Variants in BAIAP2 observed in about 807,000 individuals in gnomAD.
BAIAP2 encodes the protein BAR/IMD domain-containing adapter protein 2.
A neutral mutation model predicts 63.0 loss-of-function variants in BAIAP2; 18 were observed. The ratio of observed to expected loss-of-function variants is 0.29; its 90% confidence interval spans 0.20 to 0.42. The LOEUF (loss-of-function observed/expected upper bound fraction) is 0.42. BAIAP2 is among the 10% of genes least tolerant of loss of function. The probability of loss-of-function intolerance (pLI) is 1.00; values close to 1 mark genes in which losing one functional copy is unlikely to be tolerated. For missense variants in BAIAP2, 610 were observed against 734.3 expected (o/e 0.83, Z 1.96); for synonymous variants, 386 against 307.6 (o/e 1.25, Z -2.67).
intron 13 of BAIAP2, among the ~76,000 whole-genome samples, chr17:81,113,263 C>G (rs2060121073): frequency 6.6e-6 from 1 of 152,174 alleles, no homozygotes; most frequent in South Asian, 2.1e-4. Context: ...GGTGACTTTC[C>G]TTTGCTGGCT....
chr17:81,101,791 C>T (rs1329903796), intron 7 of BAIAP2, among the ~76,000 whole-genome samples: 2 of 152,240 alleles, frequency 1.3e-5, no homozygotes, highest in Non-Finnish European at 2.9e-5. Context: ...AGGACAGCAG[C>T]AGCACCTTTG....
chr17:81,061,278 C>T (rs982684532), intron 3 of BAIAP2, among the ~76,000 whole-genome samples: 2 of 152,186 alleles, frequency 1.3e-5, no homozygotes, highest in African/African-American at 4.8e-5. Flanking sequence ...CTTTTCATGG[C>T]TAAGGCAGAC....
chr17:81,062,920 G>GC (rs1051266041), intron 3 of BAIAP2, among the ~76,000 whole-genome samples: 94 of 69,806 alleles, frequency 1.3e-3, no homozygotes, highest in South Asian at 1.9e-3. Context: ...CTTCCCCCCC[G>GC]CCCCCCCGCC....
chr17:81,114,924 C>T (rs2146219068), intron 13 of BAIAP2, among the ~76,000 whole-genome samples: 1 of 152,346 alleles, frequency 6.6e-6, no homozygotes, highest in East Asian at 1.9e-4. Context: ...ACAGCTTTGC[C>T]AGAGCACAGT....
intron 9 of BAIAP2, 135 bp downstream of exon 9, chr17:81,104,243 C>A: frequency 2.0e-6 from 2 of 1,008,880 alleles, no homozygotes; most frequent in Non-Finnish European, 2.9e-6. Context: ...TACCTACATG[C>A]ATGTGGTACA....
At chr17:81,108,285 C>T in intron 12 of BAIAP2, 190 bp from the exon 13 acceptor site, 3 of 629,190 alleles carry the variant, frequency 4.8e-6, no homozygotes, top group Non-Finnish European at 8.4e-6. Context: ...GCAGTCATTA[C>T]TTTACCACTG....
At chr17:81,079,815 C>T (rs747693429) in intron 3 of BAIAP2, among the ~76,000 whole-genome samples, 2 of 152,174 alleles carry the variant, frequency 1.3e-5, no homozygotes, top group Non-Finnish European at 2.9e-5. Flanking sequence ...TGCTGTGGAC[C>T]AGACGTGGGC....
intron 3 of BAIAP2, among the ~76,000 whole-genome samples, chr17:81,062,394 C>T (rs957161976): frequency 2.6e-5 from 4 of 151,636 alleles, no homozygotes; most frequent in African/African-American, 9.7e-5. Context: ...ATTATGACGC[C>T]TTTGCTTTTC....
chr17:81,100,360 C>T (rs140437537), intron 7 of BAIAP2, among the ~76,000 whole-genome samples: 1 of 92,888 alleles, frequency 1.1e-5, no homozygotes, highest in Non-Finnish European at 2.6e-5. Flanking sequence ...ATGTTCTTGG[C>T]TCTTCTGCCA....
chr17:81,061,264 A>C (rs1005113532), intron 3 of BAIAP2, among the ~76,000 whole-genome samples: 15 of 152,226 alleles, frequency 9.9e-5, no homozygotes, highest in Non-Finnish European at 2.1e-4. Context: ...TGATGATATA[A>C]ATTCTTTTCA....
chr17:81,050,519 G>A (rs1024323834), intron 1 of BAIAP2, among the ~76,000 whole-genome samples: 10 of 152,222 alleles, frequency 6.6e-5, no homozygotes, highest in African/African-American at 2.4e-4. Flanking sequence ...CTGCTGCTCA[G>A]GATGTTAGTG....
chr17:81,109,974 C>T (rs1186841912), intron 13 of BAIAP2: 6 of 985,308 alleles, frequency 6.1e-6, no homozygotes, highest in South Asian at 9.4e-5. Flanking sequence ...GGTTCCTGCC[C>T]GGTTCTTCCT....
At chr17:81,087,921 A>G (rs1366411055) in intron 6 of BAIAP2, 1 of 151,742 alleles carries the variant, frequency 6.6e-6, no homozygotes, top group Non-Finnish European at 1.5e-5. Context: ...TCTTTCTATG[A>G]TGGGCCCATC....
In BAIAP2 at chr17:81,110,868, C is replaced by T. The variant is rs762590535; in HGVS notation, c.1535+2359C>T. ...CCCCCCTCCTCTGCACCCCCGAGTC[C>T]TCAGACCCCATGCTGCCTCCAACTG... On this transcript the variant is annotated intron_variant, in intron 13 of 13. Transcript: ENST00000428708. 4 of 1,613,138 alleles carry T rather than the reference C, an allele frequency of 2.5e-6. No homozygotes were observed. In the South Asian group the frequency reaches 3.3e-5, roughly 13 times the overall value.
At chr17:81,073,924 T>C (rs146859140) in intron 3 of BAIAP2, among the ~76,000 whole-genome samples, 1 of 152,174 alleles carries the variant, frequency 6.6e-6, no homozygotes, top group African/African-American at 2.4e-5. Context: ...GTATCACTTA[T>C]TTGTCTCAAG....
chr17:81,086,891 G>A lies in BAIAP2; in HGVS notation c.489+311G>A, dbSNP rs543227520. 51 of 274,398 alleles carry A rather than the reference G, an allele frequency of 1.9e-4. 1 individual carries two copies. The highest frequency in any genetic ancestry group is 3.5e-4 in the African/African-American group (16 of 45,456). 17.0% of individuals were successfully genotyped at this position (274,398 alleles called of 1,614,324 possible). A position where few individuals can be genotyped will look rare whatever the true frequency, so the allele number is the denominator to read the frequency against. ...CTCCCCATCCCTGCCCGGGAGTCCG[G>A]TCCCAGTTTGTTCCTCTAAGCGGTC... On this transcript the variant is annotated intron_variant, in intron 6 of 13. Coordinates refer to ENST00000428708, the MANE Select transcript of BAIAP2 (RefSeq NM_001144888.2).
chr17:81,103,957 G>A lies in BAIAP2; in HGVS notation c.915G>A (p.Pro305=), dbSNP rs142250650. ...CCATCATGAACGGCGTCACAGGCCC[G>A]GATGGCGAGGACTACAGCCCGTGGG... ...STPIMNGVTG[P]DGEDYSPWAD... Residue 305 remains proline, a synonymous_variant, in exon 9 of 14, where the codon CCG becomes CCA. Coordinates refer to ENST00000428708, the MANE Select transcript of BAIAP2 (RefSeq NM_001144888.2). 694 of 1,613,054 alleles carry A rather than the reference G, an allele frequency of 4.3e-4. No homozygotes were observed. The highest frequency in any genetic ancestry group is 5.2e-4 in the Non-Finnish European group (615 of 1,180,026).
At chr17:81,103,864 G>T in intron 8 of BAIAP2, 43 bp from the exon 9 acceptor site, 1 of 1,608,464 alleles carries the variant, frequency 6.2e-7, no homozygotes, top group Non-Finnish European at 8.5e-7. Flanking sequence ...GTCTTGCCCG[G>T]GGTGGGCTCC....
chr17:81,109,034 C>A, intron 13 of BAIAP2: 14 of 1,530,696 alleles, frequency 9.1e-6, no homozygotes, highest in Non-Finnish European at 1.2e-5. Context: ...CTCTGAAGAG[C>A]TTCCGCGCCT....
Sources: allele counts gnomAD v4.1 joint callset (sites outside exome capture counted in the v4.1 genomes callset), GRCh38; gene constraint gnomAD v4.1.1; transcripts MANE v1.5; gene names NCBI Gene and HGNC (gene_info 2026-07-23, HGNC 2026-07-21).